Variants in SIK3 observed in about 807,000 individuals in gnomAD.
SIK3 encodes SIK family kinase 3.
In SIK3, 28 loss-of-function variants were observed where a neutral mutation model predicts 144.2. The observed-to-expected ratio is 0.19, with a 90% confidence interval of 0.14 to 0.27. The LOEUF (loss-of-function observed/expected upper bound fraction) is 0.27, where lower values mean the gene tolerates loss of function less well. Among genes scored for constraint, SIK3 ranks in the 10% least tolerant of loss-of-function variants. The probability of loss-of-function intolerance (pLI) is 1.00; values close to 1 mark genes in which losing one functional copy is unlikely to be tolerated. For missense variants in SIK3, 1,319 were observed against 1,776.0 expected, an observed-to-expected ratio of 0.74 and a Z score of 4.62; for synonymous variants, 686 against 676.3, an observed-to-expected ratio of 1.01 and a Z score of -0.22.
intron 4 of SIK3, among the ~76,000 whole-genome samples, chr11:116,917,959 C>T (rs1459670837): frequency 2.0e-5 from 3 of 152,118 alleles, no homozygotes; most frequent in African/African-American, 4.8e-5. Context: ...TCATTTTCTG[C>T]AGCTTCAATA....
intron 1 of SIK3, among the ~76,000 whole-genome samples, chr11:117,076,590 G>A (rs12418036): frequency 0.063 from 9,503 of 151,674 alleles, 343 homozygotes; most frequent in Middle Eastern, 0.11. Context: ...GCAGTGGCGC[G>A]ATCTTGGCTC....
At chr11:117,087,270 C>T (rs947521397) in intron 1 of SIK3, among the ~76,000 whole-genome samples, 3 of 151,834 alleles carry the variant, frequency 2.0e-5, no homozygotes, top group Non-Finnish European at 4.4e-5. Flanking sequence ...ATGGTGAAAC[C>T]CATCTCTACT....
chr11:116,867,903 C>T lies in SIK3; in HGVS notation c.1952+43G>A, dbSNP rs751023853. On this transcript the variant is annotated intron_variant, in intron 15 of 24. Coordinates refer to ENST00000445177, the MANE Select transcript of SIK3 (RefSeq NM_001366686.3). The surrounding 1 kb of genome is among the most constrained non-coding windows in gnomAD (Gnocchi z 4.1). The stretch of plus-strand genomic sequence containing the variant: ...GAGACTAATCAGAAGGGTGCCTGTC[C>T]GATGAGCCTCAAGGAGCTCGCACAG... 1.4e-5 allele frequency: 20 copies of T among 1,464,812 alleles called. No homozygotes were observed. Among genetic ancestry groups the T allele is most frequent in the South Asian group, 4.3e-5 (3 of 70,440 alleles). The allele number at this position is 1,464,812 out of a possible 1,614,324, so 90.7% of individuals were successfully genotyped here. A position where few individuals can be genotyped will look rare whatever the true frequency, so the allele number is the denominator to read the frequency against.
chr11:116,902,647 T>C (rs753724914), intron 4 of SIK3, among the ~76,000 whole-genome samples: 1 of 152,202 alleles, frequency 6.6e-6, no homozygotes, highest in Non-Finnish European at 1.5e-5. Context: ...AACCAAATAC[T>C]ACTGGCTTGC....
chr11:116,897,993 C>CT (rs1435549544), intron 4 of SIK3, among the ~76,000 whole-genome samples: 4 of 151,566 alleles, frequency 2.6e-5, no homozygotes, highest in Non-Finnish European at 5.9e-5. Context: ...TTTTATTATA[C>CT]TTTAAGTTTT....
Position 116,897,408 on chromosome 11 carries a change from C to A in SIK3, c.617-91G>T. On this transcript the variant is annotated intron_variant, in intron 4 of 24. Coordinates refer to ENST00000445177, the MANE Select transcript of SIK3 (RefSeq NM_001366686.3). ...TCTCTAGTCACTAAAGATTCCAAAT[C>A]ATTGTCTGAATATTAAATGCAAAAA... 2.6e-6 allele frequency: 3 copies of A among 1,157,282 alleles called. No individual in the cohort carries two copies. The South Asian group carries it at 4.6e-5, about 18-fold the overall frequency. 71.7% of individuals were successfully genotyped at this position (1,157,282 alleles called of 1,614,324 possible).
At chr11:117,009,985 A>T (rs1951191784) in intron 1 of SIK3, among the ~76,000 whole-genome samples, 1 of 152,232 alleles carries the variant, frequency 6.6e-6, no homozygotes, top group Non-Finnish European at 1.5e-5. Context: ...CTAAAAATTT[A>T]AAAATAACAC....
intron 4 of SIK3, among the ~76,000 whole-genome samples, chr11:116,926,077 A>C (rs1565459530): frequency 6.6e-6 from 1 of 152,226 alleles, no homozygotes; most frequent in Non-Finnish European, 1.5e-5. Flanking sequence ...TTGACCTATG[A>C]TAAAAATCCA....
chr11:117,009,612 T>C (rs2135671345), intron 1 of SIK3, among the ~76,000 whole-genome samples: 1 of 152,124 alleles, frequency 6.6e-6, no homozygotes, highest in Non-Finnish European at 1.5e-5. Flanking sequence ...AGATTTATTG[T>C]TTAAAATATA....
At chr11:117,004,174 C>G (rs1303574144) in intron 1 of SIK3, among the ~76,000 whole-genome samples, 1 of 152,146 alleles carries the variant, frequency 6.6e-6, no homozygotes, top group Non-Finnish European at 1.5e-5. Flanking sequence ...TCCTTAAGCA[C>G]TGACAGGCAA....
At chr11:117,043,379 A>C (rs1952825905) in intron 1 of SIK3, among the ~76,000 whole-genome samples, 1 of 152,208 alleles carries the variant, frequency 6.6e-6, no homozygotes, top group Non-Finnish European at 1.5e-5. Flanking sequence ...GTGGAAGTTC[A>C]GTCTTCAGCC....
At chr11:116,876,224 C>T in intron 8 of SIK3, 29 bp downstream of exon 8, 1 of 1,592,950 alleles carries the variant, frequency 6.3e-7, no homozygotes, top group South Asian at 1.1e-5. Context: ...TGCTACATCC[C>T]ACTTTGTTCT....
chr11:117,019,305 CA>C (rs1951668401), intron 1 of SIK3, among the ~76,000 whole-genome samples: 1 of 152,178 alleles, frequency 6.6e-6, no homozygotes, highest in African/African-American at 2.4e-5. Flanking sequence ...CAGGGTGAGC[CA>C]CCGCACACGG....
Position 116,927,262 on chromosome 11 carries a change from A to G in SIK3, c.573T>C (p.Ala191=). Residue 191 remains alanine, a synonymous_variant, in exon 4 of 25, where the codon GCT becomes GCC. Transcript: ENST00000445177. ...CRNIVHRDLK[A]ENLLLDANLN... ...GATTGGCATCCAGAAGTAAATTTTC[A>G]GCTTTTAAATCACGATGAACAATGT... The G allele has an allele frequency of 1.9e-6, 3 of 1,614,090 alleles. No homozygotes were observed. The highest frequency in any genetic ancestry group is 2.5e-6 in the Non-Finnish European group (3 of 1,179,926).
chr11:117,001,244 G>A (rs1032307292), intron 1 of SIK3, among the ~76,000 whole-genome samples: 3 of 152,306 alleles, frequency 2.0e-5, no homozygotes, highest in South Asian at 2.1e-4. Flanking sequence ...AGTGGCTCAC[G>A]CCTGTAATCC....
chr11:116,882,477 C>T (rs1171108293), intron 6 of SIK3, among the ~76,000 whole-genome samples: 1 of 152,098 alleles, frequency 6.6e-6, no homozygotes, highest in Admixed American at 6.5e-5. Context: ...AGCCATTTGT[C>T]CCTGAAACCC....
intron 1 of SIK3, among the ~76,000 whole-genome samples, chr11:117,008,997 G>A (rs1951153942): frequency 6.6e-6 from 1 of 152,100 alleles, no homozygotes; most frequent in East Asian, 1.9e-4. Context: ...CACTTTGGGA[G>A]GCCGAGGCAG....
rs1942242101 is a variant in SIK3, at chr11:116,849,297, G to A, written c.3656-14C>T. ...CTATGACAGGCTCTGAGGAGACACAGCAGAATAGAGTCAGTGGGGCGGAAC... is the reference window on the plus strand; with the variant it reads ...CTATGACAGGCTCTGAGGAGACACAACAGAATAGAGTCAGTGGGGCGGAAC... On this transcript the variant is annotated splice_polypyrimidine_tract_variant and intron_variant, in intron 21 of 24. Coordinates refer to ENST00000445177, the MANE Select transcript of SIK3 (RefSeq NM_001366686.3). This position sits in a 1 kb window ranked among gnomAD's most constrained non-coding sequence, Gnocchi z 4.2. 4 of 1,613,918 alleles carry A rather than the reference G, an allele frequency of 2.5e-6. No homozygotes were observed. The highest frequency in any genetic ancestry group is 2.2e-5 in the East Asian group (1 of 44,884).
At chr11:117,008,049 C>T (rs1005834615) in intron 1 of SIK3, among the ~76,000 whole-genome samples, 3 of 128,980 alleles carry the variant, frequency 2.3e-5, no homozygotes, top group Non-Finnish European at 4.6e-5. Context: ...GCACTTCAGC[C>T]TGGGCAACAG....
Sources: allele counts gnomAD v4.1 joint callset (sites outside exome capture counted in the v4.1 genomes callset), GRCh38; gene constraint gnomAD v4.1.1; non-coding constraint Gnocchi (gnomAD v3.1); transcripts MANE v1.5; gene names NCBI Gene and HGNC (gene_info 2026-07-23, HGNC 2026-07-21).